SAMD3: variants seen among roughly 807,000 people sequenced by gnomAD.
The protein encoded by SAMD3 is sterile alpha motif domain-containing protein 3.
Under a neutral mutation model 58.5 loss-of-function variants are expected in SAMD3, and 63 were observed. That is an observed-to-expected ratio of 1.08 (90% CI 0.88 to 1.33). SAMD3 has a LOEUF of 1.33. Among genes scored for constraint, SAMD3 ranks in the 40% most tolerant of loss-of-function variants. The pLI is 0.00. For missense variants in SAMD3, 604 were observed against 608.4 expected (o/e 0.99, Z 0.08); for synonymous variants, 220 against 210.3 (o/e 1.05, Z -0.40).
At chr6:130,333,567 G>A (rs907437124) in intron 1 of SAMD3, among the ~76,000 whole-genome samples, 1 of 152,164 alleles carries the variant, frequency 6.6e-6, no homozygotes, top group Non-Finnish European at 1.5e-5. Context: ...TCCACTGGAA[G>A]CTGAGTCTAA....
At chr6:130,251,623 GATT>G (rs1265585292) in intron 2 of SAMD3, among the ~76,000 whole-genome samples, 4 of 152,166 alleles carry the variant, frequency 2.6e-5, no homozygotes, top group Non-Finnish European at 5.9e-5. Flanking sequence ...TTTGTTGAAA[GATT>G]ATTATTTCCC....
At chr6:130,153,664 ATT>A (rs5880002) in intron 9 of SAMD3, among the ~76,000 whole-genome samples, 27,989 of 106,492 alleles carry the variant, frequency 0.26, 4,422 homozygotes, top group East Asian at 0.55. Context: ...ATATATATAT[ATT>A]TATTTATTTA....
chr6:130,273,030 CTTTA>C (rs1323734230), intron 2 of SAMD3, among the ~76,000 whole-genome samples: 2 of 151,066 alleles, frequency 1.3e-5, no homozygotes, highest in African/African-American at 4.9e-5. Context: ...TGTGCTGTTT[CTTTA>C]TTGATTTTTT....
intron 1 of SAMD3, among the ~76,000 whole-genome samples, chr6:130,353,504 T>C (rs1052563994): frequency 6.6e-6 from 1 of 152,200 alleles, no homozygotes; most frequent in Non-Finnish European, 1.5e-5. Context: ...GAAATAAAGG[T>C]ACAACTTCAA....
intron 1 of SAMD3, among the ~76,000 whole-genome samples, chr6:130,343,777 C>A (rs1777349665): frequency 6.6e-6 from 1 of 152,116 alleles, no homozygotes; most frequent in Non-Finnish European, 1.5e-5. Context: ...CCAGCCTAGC[C>A]AACATGGCGA....
intron 8 of SAMD3, among the ~76,000 whole-genome samples, chr6:130,156,720 C>A (rs1259259311): frequency 6.6e-6 from 1 of 151,996 alleles, no homozygotes; most frequent in African/African-American, 2.4e-5. Context: ...CCCAGTAATC[C>A]CAATACTTTG....
At chr6:130,290,008 A>G (rs184831505) in intron 2 of SAMD3, among the ~76,000 whole-genome samples, 1 of 151,098 alleles carries the variant, frequency 6.6e-6, no homozygotes, top group Admixed American at 6.7e-5. Flanking sequence ...GCTTCATTTC[A>G]TTTATCTGTA....
At chr6:130,299,654 G>C (rs1353210692) in intron 2 of SAMD3, among the ~76,000 whole-genome samples, 1 of 151,956 alleles carries the variant, frequency 6.6e-6, no homozygotes, top group African/African-American at 2.4e-5. Context: ...ACCAGACAAA[G>C]GATCAACAAA....
intron 2 of SAMD3, among the ~76,000 whole-genome samples, chr6:130,236,853 T>G (rs376195813): frequency 2.6e-5 from 4 of 152,334 alleles, no homozygotes. Context: ...ATTTTCCTTT[T>G]GACAATAGGC....
At chr6:130,257,615 A>T (rs73607953) in intron 2 of SAMD3, among the ~76,000 whole-genome samples, 1,618 of 152,260 alleles carry the variant, frequency 0.011, 30 homozygotes, top group African/African-American at 0.037. Context: ...GTACTTATTC[A>T]TATCTAATTT....
At chr6:130,207,169 A>AAAAAAAAAAAAG (rs761201989) in intron 5 of SAMD3, among the ~76,000 whole-genome samples, 7 of 140,914 alleles carry the variant, frequency 5.0e-5, no homozygotes, top group Non-Finnish European at 6.1e-5. Flanking sequence ...CAAAAAAAAA[A>AAAAAAAAAAAAG]AAAGAAAAAA....
chr6:130,277,873 G>A (rs1434956405), intron 2 of SAMD3, among the ~76,000 whole-genome samples: 3 of 152,218 alleles, frequency 2.0e-5, no homozygotes, highest in Non-Finnish European at 2.9e-5. Flanking sequence ...ACTTTGGGAG[G>A]AACTTAGCTT....
At chr6:130,247,239 G>C (rs1473602395) in intron 2 of SAMD3, among the ~76,000 whole-genome samples, 1 of 152,156 alleles carries the variant, frequency 6.6e-6, no homozygotes, top group African/African-American at 2.4e-5. Context: ...AGAGGCCGAG[G>C]CGGGCGGATC....
At chr6:130,179,423 A>G (rs1397620089) in intron 7 of SAMD3, among the ~76,000 whole-genome samples, 1 of 152,164 alleles carries the variant, frequency 6.6e-6, no homozygotes, top group Non-Finnish European at 1.5e-5. Flanking sequence ...ACTCTGAAAT[A>G]AAAAATGGCC....
rs1788445661 is a variant in SAMD3 at position 130,144,631 on chromosome 6, C to T, written c.1452G>A (p.Leu484=). 3 of 1,614,114 alleles carry T rather than the reference C, an allele frequency of 1.9e-6. No homozygotes were observed. Among genetic ancestry groups the T allele is most frequent in the African/African-American group, 1.3e-5 (1 of 75,040 alleles). ...TTTCTAGGAAGTTGAAAGTTTGGGA[C>T]AGTCTTCTTGGACACTCAATCCTAA... The part of the protein sequence containing the change: ...HVFRIECPRR[L]SQTFNFLETL... The change falls in exon 12 of 12, where the codon CTG becomes CTA. Residue 484 remains leucine (L), a synonymous_variant. Coordinates refer to ENST00000439090, the MANE Select transcript of SAMD3 (RefSeq NM_001017373.4).
intron 2 of SAMD3, among the ~76,000 whole-genome samples, chr6:130,242,981 A>G (rs569855336): frequency 6.6e-6 from 1 of 152,268 alleles, no homozygotes; most frequent in Non-Finnish European, 1.5e-5. Context: ...GGATTCTGCA[A>G]TGCAGCCCCA....
At chr6:130,360,557 A>G (rs978991701) in intron 1 of SAMD3, among the ~76,000 whole-genome samples, 8 of 152,224 alleles carry the variant, frequency 5.3e-5, no homozygotes, top group Admixed American at 1.3e-4. Context: ...GTAATAGAAT[A>G]TCACAAGGCA....
chr6:130,314,017 T>A (rs1776274978), intron 1 of SAMD3, among the ~76,000 whole-genome samples: 1 of 152,206 alleles, frequency 6.6e-6, no homozygotes, highest in African/African-American at 2.4e-5. Flanking sequence ...CATTTTGGCG[T>A]GTTACAGAGG....
intron 8 of SAMD3, among the ~76,000 whole-genome samples, chr6:130,162,830 G>A (rs188917369): frequency 5.3e-5 from 8 of 152,320 alleles, no homozygotes; most frequent in Admixed American, 2.0e-4. Flanking sequence ...CCCAAGGGGT[G>A]TATTTGTCTG....
Sources: gnomAD v4.1 joint callset for allele counts (sites outside exome capture counted in the v4.1 genomes callset) on GRCh38, gnomAD v4.1.1 for gene constraint, MANE v1.5 for transcripts, NCBI Gene and HGNC (gene_info 2026-07-23, HGNC 2026-07-21) for gene names.